Variants in DESI2 observed in about 807,000 individuals in gnomAD.
DESI2 encodes the protein deubiquitinase DESI2.
In DESI2, 10 loss-of-function variants were observed where a neutral mutation model predicts 24.1. The observed-to-expected ratio is 0.41, with a 90% CI of 0.26 to 0.70. DESI2 has a LOEUF of 0.70. DESI2 is among the 30% of genes least tolerant of loss of function. The pLI, the probability that DESI2 is intolerant of heterozygous loss-of-function variation, is 0.29. For missense variants in DESI2, 122 were observed against 234.9 expected (o/e 0.52, Z 3.14); for synonymous variants, 71 against 87.7 (o/e 0.81, Z 1.06).
chr1:244,667,845 C>T (rs1039519216), intron 1 of DESI2, among the ~76,000 whole-genome samples: 1 of 152,194 alleles, frequency 6.6e-6, no homozygotes, highest in East Asian at 1.9e-4. Context: ...CAGAGGTGAC[C>T]AGCCAGTGAG....
At chr1:244,698,090 T>C (rs1677291534) in intron 4 of DESI2, among the ~76,000 whole-genome samples, 1 of 152,220 alleles carries the variant, frequency 6.6e-6, no homozygotes, top group South Asian at 2.1e-4. Context: ...CCTTGTATTT[T>C]GCAGTTATTA....
intron 1 of DESI2, among the ~76,000 whole-genome samples, chr1:244,671,017 A>T (rs1676225556): frequency 6.6e-6 from 1 of 152,188 alleles, no homozygotes; most frequent in South Asian, 2.1e-4. Context: ...AGGGAAAGAG[A>T]TCCTTGGATT....
In DESI2 at chr1:244,701,207, TCCCCTCCAC is replaced by T. The variant is rs1325002094; in HGVS notation, c.352-4344_352-4336del. Among the ~76,000 whole-genome samples, 25 of 39,612 alleles carry T rather than the reference TCCCCTCCAC, an allele frequency of 6.3e-4. No homozygotes were observed. The East Asian group carries it at 0.011, about 18-fold the overall frequency. The allele number at this position is 39,612 out of a possible 152,430, so 26.0% of individuals were successfully genotyped here. A position where few individuals can be genotyped will look rare whatever the true frequency, so the allele number is the denominator to read the frequency against. ...AGCCAAGGGCATGACTGGACCACCTTCCCCTCCACCCCCCCCCCCCCCCCCCCGCCCTTT... is the reference window on the plus strand; with the variant it reads ...AGCCAAGGGCATGACTGGACCACCTTCCCCCCCCCCCCCCCCCCGCCCTTT... On this transcript the variant is annotated intron_variant, in intron 4 of 4. Coordinates refer to ENST00000302550, the MANE Select transcript of DESI2 (RefSeq NM_016076.5).
chr1:244,691,224 G>T lies in DESI2; in HGVS notation c.210-655G>T, dbSNP rs148054140. On this transcript the variant is annotated intron_variant, in intron 3 of 4. Transcript: ENST00000302550. ...CCGCCTCAGCCTCCCAAGTAGCTGG[G>T]ATTACAGGCACCTGCCATCATGCCC... is the stretch of plus-strand genomic sequence containing the variant. Among the ~76,000 whole-genome samples the T allele has an allele frequency of 4.1e-3, 630 of 152,318 alleles. 2 individuals carry two copies. Among genetic ancestry groups the T allele is most frequent in the African/African-American group, 0.015 (604 of 41,578 alleles).
At chr1:244,686,878 G>T in intron 2 of DESI2, among the ~76,000 whole-genome samples, 1 of 152,224 alleles carries the variant, frequency 6.6e-6, no homozygotes, top group South Asian at 2.1e-4. Context: ...CAAAATACAA[G>T]AATATACATT....
chr1:244,660,934 T>C (rs1675819188), intron 1 of DESI2, among the ~76,000 whole-genome samples: 1 of 152,244 alleles, frequency 6.6e-6, no homozygotes, highest in Non-Finnish European at 1.5e-5. Flanking sequence ...TTTACTATTA[T>C]TCCAAAGCTT....
At chr1:244,662,163 T>C (rs2148783327) in intron 1 of DESI2, among the ~76,000 whole-genome samples, 1 of 152,338 alleles carries the variant, frequency 6.6e-6, no homozygotes, top group Non-Finnish European at 1.5e-5. Flanking sequence ...TGGCCAGTGA[T>C]GAGCATTTTT....
At chr1:244,667,633 C>T (rs1400339783) in intron 1 of DESI2, among the ~76,000 whole-genome samples, 1 of 152,214 alleles carries the variant, frequency 6.6e-6, no homozygotes, top group Non-Finnish European at 1.5e-5. Context: ...CCACAAACTG[C>T]ATTACACTGC....
chr1:244,653,527 C>T, intron 1 of DESI2, 172 bp downstream of exon 1: 1 of 608,442 alleles, frequency 1.6e-6, no homozygotes, highest in South Asian at 2.5e-5. Context: ...AATCCTCGCA[C>T]TCGTCGACGC....
intron 4 of DESI2, among the ~76,000 whole-genome samples, chr1:244,693,140 C>T (rs1677085655): frequency 6.6e-6 from 1 of 152,072 alleles, no homozygotes; most frequent in Admixed American, 6.6e-5. Context: ...GGAAACAGAC[C>T]CCAATTGGGA....
Position 244,706,095 on chromosome 1 carries a change from T to C in DESI2, c.*306T>C, listed in dbSNP as rs1677691941. ...ATCTTGTATCGCTGTTTACAAATCTTGCATGGACTCCTGCCACAGTGAAAG... is the reference window on the plus strand; with the variant it reads ...ATCTTGTATCGCTGTTTACAAATCTCGCATGGACTCCTGCCACAGTGAAAG... On this transcript the variant is annotated 3_prime_UTR_variant, in exon 5 of 5. Coordinates refer to ENST00000302550, the MANE Select transcript of DESI2 (RefSeq NM_016076.5). The C allele has an allele frequency of 3.7e-6, 1 of 271,050 alleles. No homozygotes were observed. The highest frequency in any genetic ancestry group is 7.1e-6 in the Non-Finnish European group (1 of 141,070). 16.8% of individuals were successfully genotyped at this position (271,050 alleles called of 1,614,324 possible).
At chr1:244,658,122 A>G (rs1219023193) in intron 1 of DESI2, among the ~76,000 whole-genome samples, 4 of 152,168 alleles carry the variant, frequency 2.6e-5, no homozygotes, top group Admixed American at 1.3e-4. Context: ...CTATTCATAT[A>G]ATAGCCTCCT....
At chr1:244,663,916 G>C (rs2148785217) in intron 1 of DESI2, among the ~76,000 whole-genome samples, 1 of 151,858 alleles carries the variant, frequency 6.6e-6, no homozygotes, top group East Asian at 1.9e-4. Context: ...TGCTCGGGAG[G>C]CTGAGGCAGG....
intron 1 of DESI2, among the ~76,000 whole-genome samples, chr1:244,669,045 G>C (rs1283590929): frequency 6.6e-6 from 1 of 152,096 alleles, no homozygotes; most frequent in Non-Finnish European, 1.5e-5. Flanking sequence ...TTGACACCCA[G>C]TCTAGAGTGC....
At chr1:244,692,909 A>G (rs1301226201) in intron 4 of DESI2, among the ~76,000 whole-genome samples, 2 of 152,230 alleles carry the variant, frequency 1.3e-5, no homozygotes, top group African/African-American at 4.8e-5. Context: ...CAAGATCCCC[A>G]GATGACTCAT....
At chr1:244,701,413 T>G (rs1258737758) in intron 4 of DESI2, among the ~76,000 whole-genome samples, 4 of 152,128 alleles carry the variant, frequency 2.6e-5, no homozygotes, top group Admixed American at 2.6e-4. Flanking sequence ...AATGGTATAT[T>G]AGCAGAAACA....
At chr1:244,685,566 G>T (rs986268384) in intron 1 of DESI2, among the ~76,000 whole-genome samples, 1 of 151,592 alleles carries the variant, frequency 6.6e-6, no homozygotes. Flanking sequence ...TTTTATCCAC[G>T]CTCGGCCCCA....
rs773561417 is a variant in DESI2, at chr1:244,705,606, C to T, written c.402C>T (p.Phe134=). ...IPRWINRLAY[F]SSCIPFLQSC... ...GCTGGATCAATCGACTTGCCTACTTCAGCTCCTGTATACCCTTTCTACAGA... is the reference window on the plus strand; with the variant it reads ...GCTGGATCAATCGACTTGCCTACTTTAGCTCCTGTATACCCTTTCTACAGA... The change falls in exon 5 of 5, where the codon TTC becomes TTT. Residue 134 remains phenylalanine (F), a synonymous_variant. Coordinates refer to ENST00000302550, the MANE Select transcript of DESI2 (RefSeq NM_016076.5). 1.2e-6 allele frequency: 2 copies of T among 1,614,092 alleles called. No homozygotes were observed. The highest frequency in any genetic ancestry group is 1.1e-5 in the South Asian group (1 of 91,090).
At chr1:244,702,761 C>T (rs1274226409) in intron 4 of DESI2, among the ~76,000 whole-genome samples, 1 of 152,112 alleles carries the variant, frequency 6.6e-6, no homozygotes, top group Non-Finnish European at 1.5e-5. Flanking sequence ...GCCACACCCT[C>T]AGGGGTTGGA....
Sources: gnomAD v4.1 joint callset for allele counts (sites outside exome capture counted in the v4.1 genomes callset) on GRCh38, gnomAD v4.1.1 for gene constraint, MANE v1.5 for transcripts, NCBI Gene and HGNC (gene_info 2026-07-23, HGNC 2026-07-21) for gene names.